SYNPO2: variants seen among roughly 807,000 people sequenced by gnomAD.
The protein encoded by SYNPO2 is synaptopodin 2, also known as synaptopodin-2.
Under a neutral mutation model 85.0 loss-of-function variants are expected in SYNPO2, and 56 were observed. The observed-to-expected ratio is 0.66, with a 90% CI of 0.53 to 0.82. SYNPO2 has a LOEUF of 0.82. Among genes scored for constraint, SYNPO2 ranks in the 40% least tolerant of loss-of-function variants. The probability of loss-of-function intolerance (pLI) is 0.00; values close to 1 mark genes in which losing one functional copy is unlikely to be tolerated. For synonymous variants in SYNPO2, 602 were observed against 591.1 expected (o/e 1.02, Z -0.27); for missense variants, 1,575 against 1,534.2 (o/e 1.03, Z -0.44).
chr4:118,887,911 T>C (rs553589916), upstream of SYNPO2, among the ~76,000 whole-genome samples: 88 of 152,344 alleles, frequency 5.8e-4, no homozygotes, highest in Non-Finnish European at 1.0e-3. Flanking sequence ...AGTATGTTTT[T>C]ATGTGGATGA....
intron 1 of SYNPO2, among the ~76,000 whole-genome samples, chr4:118,917,795 A>G (rs1003932730): frequency 6.6e-6 from 1 of 152,230 alleles, no homozygotes; most frequent in Non-Finnish European, 1.5e-5. Context: ...TTATTATGCC[A>G]TGAGTCATTT....
intron 4 of SYNPO2, chr4:119,036,512 G>A: frequency 1.0e-6 from 1 of 985,372 alleles, no homozygotes; most frequent in Non-Finnish European, 1.2e-6. Context: ...ACCAGGGTTG[G>A]CCAAGGGCCA....
At chr4:118,959,569 A>G (rs1026982747) in intron 1 of SYNPO2, among the ~76,000 whole-genome samples, 2 of 152,234 alleles carry the variant, frequency 1.3e-5, no homozygotes, top group African/African-American at 4.8e-5. Flanking sequence ...ATTTATTTCA[A>G]TTCAAGGAGT....
At chr4:119,021,910 C>A (rs1737737935) in intron 1 of SYNPO2, among the ~76,000 whole-genome samples, 1 of 152,182 alleles carries the variant, frequency 6.6e-6, no homozygotes, top group Admixed American at 6.5e-5. Context: ...AGAGCATAGA[C>A]CTGACCTCTC....
chr4:119,028,736 C>T (rs1285657069), intron 3 of SYNPO2, among the ~76,000 whole-genome samples: 1 of 151,538 alleles, frequency 6.6e-6, no homozygotes, highest in Non-Finnish European at 1.5e-5. Flanking sequence ...AAGTCTGTGA[C>T]AAAAAGAGCT....
rs187392036 is a variant in SYNPO2, at chr4:118,882,982, C to A, written c.12+32042C>A. 6.4e-4 allele frequency among the ~76,000 whole-genome samples: 97 copies of A among 151,750 alleles called. No homozygotes were observed. The East Asian group carries it at 0.018, about 28-fold the overall frequency. The stretch of plus-strand genomic sequence containing the variant: ...TTCACTATGTTAGCCAGGATGGTCT[C>A]GATCTCCTGACCTCGTGATCCGCCC... On this transcript the variant is annotated intron_variant, in intron 1 of 4. Coordinates refer to the SYNPO2 transcript ENST00000610556.
At position 118,981,892 on chromosome 4, in the gene SYNPO2, A is replaced by C. The variant is rs576669037; in HGVS notation, c.106-41538A>C. On this transcript the variant is annotated intron_variant, in intron 1 of 4. Transcript: ENST00000307142. The stretch of plus-strand genomic sequence containing the variant: ...TTTTCCATTCAGGAGTTAATGCTTC[A>C]GCCAAACAGGTCTGGACGGAAACCC... 3.9e-4 allele frequency among the ~76,000 whole-genome samples: 60 copies of C among 152,342 alleles called. 2 individuals carry two copies. The South Asian group carries it at 0.012, about 30-fold the overall frequency.
At chr4:118,912,661 A>T (rs1733181394) in intron 1 of SYNPO2, among the ~76,000 whole-genome samples, 2 of 152,180 alleles carry the variant, frequency 1.3e-5, no homozygotes, top group Non-Finnish European at 2.9e-5. Context: ...TTCCAATGGA[A>T]CTTATCTACC....
chr4:118,911,413 T>C (rs905122687), intron 1 of SYNPO2, among the ~76,000 whole-genome samples: 85 of 152,222 alleles, frequency 5.6e-4, no homozygotes, highest in Non-Finnish European at 8.8e-5. Flanking sequence ...CTGAGATTAA[T>C]TCAATCTTTG....
At chr4:118,962,674 A>G (rs942381287) in intron 1 of SYNPO2, among the ~76,000 whole-genome samples, 1 of 152,184 alleles carries the variant, frequency 6.6e-6, no homozygotes, top group Non-Finnish European at 1.5e-5. Context: ...TGAGTGATTG[A>G]GAAATCAGCT....
At position 119,059,844 on chromosome 4, in the gene SYNPO2, T is replaced by G. The variant is rs186839878; in HGVS notation, c.*1910T>G. 9.9e-5 allele frequency: 15 copies of G among 152,192 alleles called. No individual in the cohort carries two copies. Among genetic ancestry groups the G allele is most frequent in the Middle Eastern group, 3.4e-3 (1 of 294 alleles). 9.4% of individuals were successfully genotyped at this position (152,192 alleles called of 1,614,324 possible). The stretch of plus-strand genomic sequence containing the variant: ...TGGAGAAAAGAAACGATAAATACTT[T>G]CCAAGGTTATATTGTTAAATTATCT... On this transcript the variant is annotated 3_prime_UTR_variant, in exon 5 of 5. Coordinates refer to ENST00000307142, the MANE Select transcript of SYNPO2 (RefSeq NM_133477.3).
At chr4:118,900,697 C>CTATATA (rs1165068182) in intron 1 of SYNPO2, among the ~76,000 whole-genome samples, 27 of 37,164 alleles carry the variant, frequency 7.3e-4, no homozygotes, top group South Asian at 1.2e-3. Context: ...CTCTCTCTCT[C>CTATATA]TCTCTCTATA....
chr4:118,880,445 G>A (rs1732061742), intron 1 of SYNPO2, among the ~76,000 whole-genome samples: 3 of 152,150 alleles, frequency 2.0e-5, no homozygotes. Context: ...AGATGATTTT[G>A]TTCATTTCAA....
intron 1 of SYNPO2, among the ~76,000 whole-genome samples, chr4:118,974,104 C>A (rs1391606530): frequency 6.6e-6 from 1 of 152,126 alleles, no homozygotes; most frequent in African/African-American, 2.4e-5. Flanking sequence ...AAATATTAAA[C>A]CTGGACAATA....
At chr4:118,949,155 G>A (rs1002298285) in intron 1 of SYNPO2, among the ~76,000 whole-genome samples, 3 of 152,098 alleles carry the variant, frequency 2.0e-5, no homozygotes, top group African/African-American at 7.2e-5. Context: ...TGGTGGTGGT[G>A]AAAAAATTGT....
chr4:118,925,733 G>T (rs1422688152), intron 1 of SYNPO2, among the ~76,000 whole-genome samples: 1 of 152,142 alleles, frequency 6.6e-6, no homozygotes, highest in Non-Finnish European at 1.5e-5. Flanking sequence ...TTAAGAAAAG[G>T]AAATGGGAAC....
At chr4:118,893,241 C>G (rs1038602789) in intron 1 of SYNPO2, among the ~76,000 whole-genome samples, 2 of 151,996 alleles carry the variant, frequency 1.3e-5, no homozygotes, top group African/African-American at 2.4e-5. Context: ...ATTAAAAAAT[C>G]CTTATTTTGG....
Position 118,897,441 on chromosome 4 carries a change from G to A in SYNPO2, c.105+8300G>A, listed in dbSNP as rs780017931. Among the ~76,000 whole-genome samples the A allele has an allele frequency of 1.6e-4, 25 of 152,118 alleles. No individual in the cohort carries two copies. The Middle Eastern group carries it at 0.017, about 103-fold the overall frequency. On this transcript the variant is annotated intron_variant, in intron 1 of 4. Transcript: ENST00000307142. ...TCCTTCACCCCTCTTCCTTCATCCTGTTTAACAGAATTTACCTTCTTGAAT... is the reference window on the plus strand; with the variant it reads ...TCCTTCACCCCTCTTCCTTCATCCTATTTAACAGAATTTACCTTCTTGAAT...
At chr4:119,037,509 T>C in intron 4 of SYNPO2, 2 of 1,006,040 alleles carry the variant, frequency 2.0e-6, no homozygotes, top group Non-Finnish European at 2.4e-6. Flanking sequence ...GAATCTTTGA[T>C]ACTTTTATTT....
Sources: allele counts gnomAD v4.1 joint callset (sites outside exome capture counted in the v4.1 genomes callset), GRCh38; gene constraint gnomAD v4.1.1; transcripts MANE v1.5; gene names NCBI Gene and HGNC (gene_info 2026-07-23, HGNC 2026-07-21).